GSDMA: variants seen among roughly 807,000 people sequenced by gnomAD.
The protein encoded by GSDMA is gasdermin-A.
In GSDMA, 55 loss-of-function variants were observed where a neutral mutation model predicts 54.3. The observed-to-expected ratio is 1.01, with a 90% CI of 0.82 to 1.27. The LOEUF (loss-of-function observed/expected upper bound fraction) is 1.27. Among genes scored for constraint, GSDMA ranks in the 50% most tolerant of loss-of-function variants. GSDMA has a pLI of 0.00. For missense variants in GSDMA, 542 were observed against 542.6 expected, an observed-to-expected ratio of 1.00 and a Z score of 0.01; for synonymous variants, 211 against 224.7, an observed-to-expected ratio of 0.94 and a Z score of 0.54.
In GSDMA at chr17:39,976,917, C is replaced by CT. The variant is rs752985592; in HGVS notation, c.1197_1198insT (p.Thr400TyrfsTer83). Reference sequence around the variant, plus strand: ...CCCTTGGGGACGAGGAGCTGACCCTCACGGAGGCTCTAGTCGGGCTGAGTG... The same window carrying CT: ...CCCTTGGGGACGAGGAGCTGACCCTCTACGGAGGCTCTAGTCGGGCTGAGTG... On this transcript the variant is annotated frameshift_variant, in exon 12 of 12. Coordinates refer to ENST00000301659, the MANE Select transcript of GSDMA (RefSeq NM_178171.5). LOFTEE classifies it high-confidence loss of function. 1.2e-6 allele frequency: 2 copies of CT among 1,614,022 alleles called. No homozygotes were observed.
intron 11 of GSDMA, 88 bp downstream of exon 11, chr17:39,976,085 C>A: frequency 1.1e-6 from 1 of 880,336 alleles, no homozygotes; most frequent in Non-Finnish European, 1.8e-6. Flanking sequence ...TGGAGCCATT[C>A]TGGAGGATCC....
rs1236389731 is a variant in GSDMA, at chr17:39,965,849, C to A, written c.162C>A (p.Val54=). 3 of 1,569,458 alleles carry A rather than the reference C, an allele frequency of 1.9e-6. No homozygotes were observed. In the South Asian group the frequency reaches 3.5e-5, roughly 18 times the overall value. ...CGCTCTTCTGGGGGGCCCGGTACGTCCGCACCGACTACACGCTGCTGGATG... is the reference window on the plus strand; with the variant it reads ...CGCTCTTCTGGGGGGCCCGGTACGTACGCACCGACTACACGCTGCTGGATG... ...KSTLFWGARY[V]RTDYTLLDVL... is the part of the protein sequence containing the mutation. The change falls in exon 2 of 12, where the codon GTC becomes GTA. Residue 54 remains valine (V), a synonymous_variant. Transcript: ENST00000301659.
intron 11 of GSDMA, among the ~76,000 whole-genome samples, chr17:39,976,332 G>A: frequency 6.7e-6 from 1 of 149,266 alleles, no homozygotes; most frequent in Admixed American, 6.7e-5. Context: ...AGGCTGGAGT[G>A]CAATGGTGCG....
In GSDMA at chr17:39,974,306, A is replaced by G. The variant is rs1446998243; in HGVS notation, c.785A>G (p.Glu262Gly). 1 of 1,611,524 alleles carries G rather than the reference A, an allele frequency of 6.2e-7. No homozygotes were observed. Residue 262 changes from glutamate (E) to glycine (G), a missense_variant, in exon 9 of 12, where the codon GAA becomes GGA. Transcript: ENST00000301659. ...DVHEGFRTLKEEVQRETQQVE... is the reference protein window; with the variant it reads ...DVHEGFRTLKGEVQRETQQVE... ...CACGAAGGCTTCAGGACACTAAAAG[A>G]AGAAGTTCAGAGAGAGACCCAACAA... is the stretch of plus-strand genomic sequence containing the variant.
At chr17:39,972,562 A>G in intron 6 of GSDMA, 25 bp from the exon 7 acceptor site, 1 of 1,611,588 alleles carries the variant, frequency 6.2e-7, no homozygotes, top group Non-Finnish European at 8.5e-7. Context: ...TTGTGCTGAC[A>G]GATGTGCATT....
intron 3 of GSDMA, among the ~76,000 whole-genome samples, chr17:39,970,057 G>A (rs1207973117): frequency 2.0e-5 from 3 of 151,610 alleles, no homozygotes; most frequent in Admixed American, 1.3e-4. Context: ...TGGAGAGAAA[G>A]GATCCCAGAG....
Position 39,973,797 on chromosome 17 carries a change from C to CT in GSDMA, c.731-6dup. 2 of 1,597,648 alleles carry CT rather than the reference C, an allele frequency of 1.3e-6. No homozygotes were observed. The highest frequency in any genetic ancestry group is 1.7e-6 in the Non-Finnish European group (2 of 1,173,172). The stretch of plus-strand genomic sequence containing the variant: ...ATTGCATTCTTATCTTTTTTTTTTC[C>CT]TTTTTTTCTCAGTTATCCAGGCATC... On this transcript the variant is annotated splice_polypyrimidine_tract_variant and intron_variant, in intron 7 of 11. Coordinates refer to ENST00000301659, the MANE Select transcript of GSDMA (RefSeq NM_178171.5).
chr17:39,976,342 G>C (rs1310856105), intron 11 of GSDMA, among the ~76,000 whole-genome samples: 1 of 149,948 alleles, frequency 6.7e-6, no homozygotes, highest in Non-Finnish European at 1.5e-5. Flanking sequence ...GCAATGGTGC[G>C]ATCTTGGCTC....
intron 7 of GSDMA, among the ~76,000 whole-genome samples, 169 bp downstream of exon 7, chr17:39,972,782 GA>G (rs1200334666): frequency 2.0e-5 from 1 of 50,782 alleles, no homozygotes; most frequent in Non-Finnish European, 4.4e-5. Context: ...AAAAGCAGTG[GA>G]AAGGGGGGAG....
chr17:39,972,100 T>TGGCCCCCC, intron 5 of GSDMA, 29 bp from the exon 6 acceptor site: 3 of 835,074 alleles, frequency 3.6e-6, no homozygotes, highest in Non-Finnish European at 4.1e-6. Context: ...CTAAGTGTCC[T>TGGCCCCCC]CCCACCCTCC....
At chr17:39,975,845 A>C in intron 10 of GSDMA, 79 bp from the exon 11 acceptor site, 1 of 1,061,448 alleles carries the variant, frequency 9.4e-7, no homozygotes, top group Non-Finnish European at 1.4e-6. Flanking sequence ...GAAGGCTGAA[A>C]TTCTGGAAGT....
intron 8 of GSDMA, among the ~76,000 whole-genome samples, 177 bp downstream of exon 8, chr17:39,974,007 T>C (rs1980079628): frequency 6.6e-6 from 1 of 152,154 alleles, no homozygotes; most frequent in Non-Finnish European, 1.5e-5. Context: ...TGATATGGGA[T>C]AAGGCCTGGG....
Position 39,972,102 on chromosome 17 carries a change from C to T in GSDMA, c.656-27C>T, listed in dbSNP as rs757020473. ...TGTGGGGCAGCTGCTAAGTGTCCTC[C>T]CACCCTCCCTCCCTTGCCCTTCACA... On this transcript the variant is annotated intron_variant, in intron 5 of 11. Transcript: ENST00000301659. The T allele has an allele frequency of 1.1e-5, 6 of 530,344 alleles. 1 individual carries two copies. Among genetic ancestry groups the T allele is most frequent in the Non-Finnish European group, 1.9e-5 (5 of 266,290 alleles). The allele number at this position is 530,344 out of a possible 1,614,324, so 32.9% of individuals were successfully genotyped here. A position where few individuals can be genotyped will look rare whatever the true frequency, so the allele number is the denominator to read the frequency against.
chr17:39,966,669 C>T (rs935581554), intron 3 of GSDMA, among the ~76,000 whole-genome samples: 3 of 152,152 alleles, frequency 2.0e-5, no homozygotes, highest in African/African-American at 7.2e-5. Context: ...CCCACTGTCA[C>T]GCATGCACAG....
rs756280008 is a variant in GSDMA at position 39,965,895 on chromosome 17, C to T, written c.208C>T (p.Pro70Ser). ...GGATGTGCTTGAGCCCGGCAGCTCA[C>T]CTTCAGGTCAGCCTCAAGCGGGGCT... Reference protein sequence around the residue: ...LLDVLEPGSSPSDPTDTGNFG... With the variant: ...LLDVLEPGSSSSDPTDTGNFG... The change falls in exon 2 of 12, where the codon CCT (proline) becomes TCT (serine). Residue 70 changes from proline to serine, a missense_variant. By Grantham distance (74) the Pro-to-Ser change is moderately conservative. Coordinates refer to ENST00000301659, the MANE Select transcript of GSDMA (RefSeq NM_178171.5). The T allele has an allele frequency of 6.4e-7, 1 of 1,552,864 alleles. No individual in the cohort carries two copies. The highest frequency in any genetic ancestry group is 1.2e-5 in the South Asian group (1 of 84,146).
chr17:39,975,125 A>C (rs1394900272), intron 10 of GSDMA, 111 bp downstream of exon 10: 1 of 697,852 alleles, frequency 1.4e-6, no homozygotes, highest in Non-Finnish European at 2.6e-6. Flanking sequence ...ATTATACCAC[A>C]GTTAAGTAGT....
At chr17:39,973,563 A>AG (rs949992708) in intron 7 of GSDMA, among the ~76,000 whole-genome samples, 7 of 88,942 alleles carry the variant, frequency 7.9e-5, no homozygotes, top group African/African-American at 1.9e-4. Flanking sequence ...AGCCTGGCCT[A>AG]GAAAAAAAAA....
chr17:39,965,193 G>A (rs557500854), intron 1 of GSDMA, among the ~76,000 whole-genome samples: 5 of 143,114 alleles, frequency 3.5e-5, no homozygotes, highest in South Asian at 2.3e-4. Flanking sequence ...AAGGAAGGAA[G>A]GGAGAGGGGG....
intron 3 of GSDMA, 27 bp from the exon 4 acceptor site, chr17:39,970,455 G>T (rs141046019): frequency 1.3e-6 from 2 of 1,538,354 alleles, no homozygotes; most frequent in East Asian, 2.5e-5. Context: ...AGCTCTGAAC[G>T]GTTCCCTTAT....
Sources: gnomAD v4.1 joint callset for allele counts (sites outside exome capture counted in the v4.1 genomes callset) on GRCh38, gnomAD v4.1.1 for gene constraint, MANE v1.5 for transcripts, NCBI Gene and HGNC (gene_info 2026-07-23, HGNC 2026-07-21) for gene names.